Variants in TENM4 observed in about 807,000 individuals in gnomAD.
TENM4 encodes the protein teneurin-4.
Under a neutral mutation model 243.3 loss-of-function variants are expected in TENM4, and 82 were observed. The ratio of observed to expected loss-of-function variants is 0.34; its 90% CI spans 0.28 to 0.40. The LOEUF is 0.40. TENM4 is among the 10% of genes least tolerant of loss of function. The pLI, the probability that TENM4 is intolerant of heterozygous loss-of-function variation, is 1.00. For missense variants in TENM4, 3,138 were observed against 3,673.3 expected (o/e 0.85, Z 3.77); for synonymous variants, 1,412 against 1,456.3 (o/e 0.97, Z 0.69).
At chr11:78,910,782 A>C (rs907405986) in intron 6 of TENM4, among the ~76,000 whole-genome samples, 1 of 152,176 alleles carries the variant, frequency 6.6e-6, no homozygotes, top group Non-Finnish European at 1.5e-5. Context: ...TTCTCTGCCT[A>C]TTCACTCCTT....
chr11:78,770,500 C>A (rs1856624488), intron 18 of TENM4, among the ~76,000 whole-genome samples: 1 of 152,186 alleles, frequency 6.6e-6, no homozygotes, highest in Non-Finnish European at 1.5e-5. Flanking sequence ...AAAGCAAAGG[C>A]CATTTCTATT....
chr11:79,289,991 T>C (rs1856326760), intron 2 of TENM4, among the ~76,000 whole-genome samples: 1 of 152,156 alleles, frequency 6.6e-6, no homozygotes, highest in Non-Finnish European at 1.5e-5. Flanking sequence ...AGATGGGGTT[T>C]TGCCATGTTA....
chr11:78,722,663 C>T lies in TENM4; in HGVS notation c.3800+5G>A, dbSNP rs1324040271. 2 of 1,610,294 alleles carry T rather than the reference C, an allele frequency of 1.2e-6. No homozygotes were observed. Among genetic ancestry groups the T allele is most frequent in the African/African-American group, 2.7e-5 (2 of 74,844 alleles). ...GAACTATGAAGAAAGCATCACCTTA[C>T]ATACCTCAGCTCTAGGATGTTGGTG... On this transcript the variant is annotated splice_donor_5th_base_variant and intron_variant, in intron 24 of 33. Coordinates refer to ENST00000278550, the MANE Select transcript of TENM4 (RefSeq NM_001098816.3).
At chr11:79,130,146 G>A (rs1861971166) in intron 4 of TENM4, among the ~76,000 whole-genome samples, 1 of 152,130 alleles carries the variant, frequency 6.6e-6, no homozygotes. Context: ...AACAATCATT[G>A]CAGTTCGGCT....
chr11:79,023,813 A>T (rs1370981079), intron 6 of TENM4, among the ~76,000 whole-genome samples: 1 of 152,186 alleles, frequency 6.6e-6, no homozygotes, highest in East Asian at 1.9e-4. Context: ...ACTGGGGAAC[A>T]AACATGGCTG....
chr11:79,024,973 G>A (rs1235646869), intron 6 of TENM4, among the ~76,000 whole-genome samples: 1 of 152,176 alleles, frequency 6.6e-6, no homozygotes, highest in Admixed American at 6.5e-5. Flanking sequence ...GAAGATGTTA[G>A]GATATGCCTC....
At chr11:79,080,834 AC>A (rs1410805691) in intron 4 of TENM4, among the ~76,000 whole-genome samples, 1 of 152,162 alleles carries the variant, frequency 6.6e-6, no homozygotes, top group Non-Finnish European at 1.5e-5. Context: ...CAGGCCTGAA[AC>A]CCAGTTTATT....
chr11:79,159,019 T>C (rs755129609), intron 3 of TENM4, among the ~76,000 whole-genome samples: 9 of 152,084 alleles, frequency 5.9e-5, no homozygotes, highest in South Asian at 2.1e-4. Flanking sequence ...TATAGAGAGG[T>C]TGAAGTGAGT....
chr11:78,808,590 C>T (rs1489016870), intron 14 of TENM4, among the ~76,000 whole-genome samples: 2 of 152,166 alleles, frequency 1.3e-5, no homozygotes, highest in African/African-American at 4.8e-5. Flanking sequence ...CCTGGTTAGG[C>T]CTCTTACCAT....
chr11:78,726,014 G>A (rs1855502517), intron 23 of TENM4, 65 bp downstream of exon 23: 1 of 1,590,024 alleles, frequency 6.3e-7, no homozygotes, highest in Non-Finnish European at 8.6e-7. Context: ...GTTTGGCAGG[G>A]CACAAGGGAT....
intron 1 of TENM4, among the ~76,000 whole-genome samples, chr11:79,325,445 T>G (rs181260372): frequency 1.6e-4 from 24 of 152,300 alleles, no homozygotes; most frequent in African/African-American, 5.3e-4. Flanking sequence ...GTCTGCTGTT[T>G]GTGTTGTGCT....
chr11:78,978,121 C>T (rs1836803698), intron 6 of TENM4, among the ~76,000 whole-genome samples: 2 of 152,016 alleles, frequency 1.3e-5, no homozygotes, highest in South Asian at 4.2e-4. Flanking sequence ...ACCAAACACC[C>T]ATATTCTCAC....
chr11:79,008,065 A>G (rs906133412), intron 6 of TENM4, among the ~76,000 whole-genome samples: 1 of 152,130 alleles, frequency 6.6e-6, no homozygotes, highest in African/African-American at 2.4e-5. Context: ...AGGGTGCTAA[A>G]AATTTTTATG....
chr11:79,316,185 G>T (rs779079626), intron 1 of TENM4, among the ~76,000 whole-genome samples: 1 of 152,086 alleles, frequency 6.6e-6, no homozygotes, highest in Non-Finnish European at 1.5e-5. Context: ...AGAAATGAGG[G>T]TTATAGGTTG....
intron 25 of TENM4, among the ~76,000 whole-genome samples, chr11:78,718,666 T>C (rs1464825632): frequency 6.6e-6 from 1 of 152,210 alleles, no homozygotes; most frequent in African/African-American, 2.4e-5. Context: ...GTGTTTTCTG[T>C]ACAACTGAAG....
chr11:78,868,880 G>A (rs976450211), intron 9 of TENM4, among the ~76,000 whole-genome samples: 1 of 151,970 alleles, frequency 6.6e-6, no homozygotes, highest in Non-Finnish European at 1.5e-5. Context: ...ACCCAACCAC[G>A]CAGCTACCCA....
chr11:79,378,507 G>C (rs1226634121), intron 1 of TENM4, among the ~76,000 whole-genome samples: 1 of 152,196 alleles, frequency 6.6e-6, no homozygotes, highest in Non-Finnish European at 1.5e-5. Context: ...GGTCCAGACT[G>C]TCACCTGGGG....
intron 1 of TENM4, among the ~76,000 whole-genome samples, chr11:79,436,855 C>T (rs1226938852): frequency 1.3e-5 from 2 of 152,220 alleles, no homozygotes; most frequent in African/African-American, 4.8e-5. Context: ...TCCCTTCCCC[C>T]ACCACAGAAG....
intron 1 of TENM4, among the ~76,000 whole-genome samples, chr11:79,374,558 A>C (rs1857853012): frequency 1.3e-5 from 2 of 148,876 alleles, no homozygotes; most frequent in African/African-American, 5.0e-5. Context: ...ATATCTATAT[A>C]GATATAGATA....
Sources: allele counts gnomAD v4.1 joint callset (sites outside exome capture counted in the v4.1 genomes callset), GRCh38; gene constraint gnomAD v4.1.1; transcripts MANE v1.5; gene names NCBI Gene and HGNC (gene_info 2026-07-23, HGNC 2026-07-21).